NUP93: variants seen among roughly 807,000 people sequenced by gnomAD.
NUP93 encodes the protein nuclear pore complex protein Nup93.
Under a neutral mutation model 107.8 loss-of-function variants are expected in NUP93, and 55 were observed. The observed-to-expected ratio is 0.51, with a 90% confidence interval of 0.41 to 0.64. NUP93 has a LOEUF of 0.64. NUP93 is among the 30% of genes least tolerant of loss of function. The pLI, the probability that NUP93 is intolerant of heterozygous loss-of-function variation, is 0.00. For missense variants in NUP93, 937 were observed against 1,044.7 expected (o/e 0.90, Z 1.42); for synonymous variants, 390 against 397.5 (o/e 0.98, Z 0.22).
At chr16:56,842,432 C>G (rs1964043876) in intron 21 of NUP93, 2 of 367,252 alleles carry the variant, frequency 5.4e-6, no homozygotes, top group Non-Finnish European at 1.1e-5. Context: ...GTGCATGGGT[C>G]AAGTGGAGTC....
intron 3 of NUP93, among the ~76,000 whole-genome samples, chr16:56,767,703 T>C (rs1244368813): frequency 6.6e-6 from 1 of 152,232 alleles, no homozygotes; most frequent in East Asian, 1.9e-4. Flanking sequence ...GAGTTTTCTC[T>C]CTTCTTCTAG....
At chr16:56,842,528 C>G (rs947086313) in intron 21 of NUP93, 1 of 425,690 alleles carries the variant, frequency 2.3e-6, no homozygotes, top group East Asian at 7.1e-5. Flanking sequence ...CCAGTTAAAC[C>G]ATAAGGGGAC....
chr16:56,810,506 C>T lies in NUP93; in HGVS notation c.489+4874C>T, dbSNP rs545271603. Among the ~76,000 whole-genome samples the T allele has an allele frequency of 2.2e-4, 34 of 152,084 alleles. No homozygotes were observed. In the East Asian group the frequency reaches 5.6e-3, roughly 25 times the overall value. ...AATTAGCTGGACATGGTTACATGCT[C>T]CTGTAGTCTGGGCTACTCAAGAGCC... On this transcript the variant is annotated intron_variant, in intron 5 of 21. Transcript: ENST00000308159.
intron 3 of NUP93, among the ~76,000 whole-genome samples, chr16:56,776,329 C>T (rs1962416561): frequency 6.6e-6 from 1 of 152,044 alleles, no homozygotes; most frequent in Non-Finnish European, 1.5e-5. Context: ...AGTATCTGGC[C>T]ATATCACTGT....
rs775025865 is a variant in NUP93, at chr16:56,848,606, GCCACTTGTTT to G, written c.*4001_*4010del. 1.3e-5 allele frequency: 2 copies of G among 152,202 alleles called. No individual in the cohort carries two copies. Among genetic ancestry groups the G allele is most frequent in the Admixed American group, 1.3e-4 (2 of 15,278 alleles). The allele number at this position is 152,202 out of a possible 1,614,324, so 9.4% of individuals were successfully genotyped here. A position where few individuals can be genotyped will look rare whatever the true frequency, so the allele number is the denominator to read the frequency against. On this transcript the variant is annotated 3_prime_UTR_variant, in exon 22 of 22. Transcript: ENST00000308159. ...GGACAGGAAGGAAATAAATCTTTCT[GCCACTTGTTT>G]CCAACCGAAAAGGAAAAAAGTTAAA...
intron 3 of NUP93, among the ~76,000 whole-genome samples, chr16:56,789,266 T>G (rs1169323177): frequency 6.6e-6 from 1 of 152,242 alleles, no homozygotes; most frequent in African/African-American, 2.4e-5. Context: ...GTGCCATGTG[T>G]TGTCAGGTTT....
chr16:56,802,858 C>A (rs1409590031), intron 4 of NUP93, among the ~76,000 whole-genome samples: 1 of 152,150 alleles, frequency 6.6e-6, no homozygotes, highest in Non-Finnish European at 1.5e-5. Context: ...TGATGGGAAA[C>A]CTGGTCTGCC....
intron 1 of NUP93, among the ~76,000 whole-genome samples, chr16:56,739,936 C>T (rs1597100170): frequency 8.2e-6 from 1 of 121,318 alleles, no homozygotes; most frequent in Admixed American, 7.6e-5. Context: ...GGCGGCTGGC[C>T]GGGCGGGGGG....
chr16:56,837,186 A>G (rs1402509971), intron 17 of NUP93, among the ~76,000 whole-genome samples: 1 of 152,228 alleles, frequency 6.6e-6, no homozygotes, highest in East Asian at 1.9e-4. Flanking sequence ...AATGATGACT[A>G]AGAACATATG....
At chr16:56,812,734 G>T (rs1963342836) in intron 5 of NUP93, among the ~76,000 whole-genome samples, 1 of 152,088 alleles carries the variant, frequency 6.6e-6, no homozygotes, top group Non-Finnish European at 1.5e-5. Context: ...GGAAGAAAAA[G>T]GTATACTTTT....
chr16:56,751,977 C>T (rs910206648), intron 2 of NUP93, among the ~76,000 whole-genome samples: 1 of 152,228 alleles, frequency 6.6e-6, no homozygotes, highest in Admixed American at 6.5e-5. Flanking sequence ...TCTCTCCCTG[C>T]ATATGCATTG....
intron 3 of NUP93, among the ~76,000 whole-genome samples, chr16:56,766,831 GA>G (rs145193718): frequency 0.014 from 2,056 of 152,294 alleles, 21 homozygotes; most frequent in Non-Finnish European, 0.022. Context: ...GGATTACATA[GA>G]GGGGAGACCC....
At chr16:56,759,163 G>C (rs1237437104) in intron 3 of NUP93, among the ~76,000 whole-genome samples, 1 of 152,160 alleles carries the variant, frequency 6.6e-6, no homozygotes, top group African/African-American at 2.4e-5. Context: ...GAGCACTCCA[G>C]TCTCATTTAA....
chr16:56,801,006 T>A (rs1963008482), intron 4 of NUP93, among the ~76,000 whole-genome samples: 1 of 152,246 alleles, frequency 6.6e-6, no homozygotes, highest in Admixed American at 6.5e-5. Flanking sequence ...AGATTCAGAT[T>A]TAATTTATAA....
At chr16:56,744,481 A>G (rs1419981751) in intron 1 of NUP93, among the ~76,000 whole-genome samples, 2 of 152,250 alleles carry the variant, frequency 1.3e-5, no homozygotes, top group East Asian at 3.8e-4. Flanking sequence ...CAAAAAATGT[A>G]TAAATTTGGA....
chr16:56,789,323 A>G (rs1962700940), intron 3 of NUP93, among the ~76,000 whole-genome samples: 1 of 152,266 alleles, frequency 6.6e-6, no homozygotes, highest in African/African-American at 2.4e-5. Context: ...GTGAGAACTT[A>G]TAGACCATTC....
intron 2 of NUP93, among the ~76,000 whole-genome samples, chr16:56,755,225 C>A (rs1399616161): frequency 2.6e-5 from 4 of 152,156 alleles, no homozygotes; most frequent in African/African-American, 7.2e-5. Context: ...AATGCCCATC[C>A]ACTGATGAAT....
chr16:56,836,277 A>C (rs1030498348), intron 16 of NUP93, among the ~76,000 whole-genome samples: 1 of 152,120 alleles, frequency 6.6e-6, no homozygotes, highest in African/African-American at 2.4e-5. Context: ...GTTCCTACTT[A>C]TCAGCAAATT....
chr16:56,833,198 C>T lies in NUP93; in HGVS notation c.1346-17C>T. 1 of 1,586,348 alleles carries T rather than the reference C, an allele frequency of 6.3e-7. No individual in the cohort carries two copies. The highest frequency in any genetic ancestry group is 1.2e-5 in the South Asian group (1 of 86,344). ...TTTCTAAGTTGGTTTTATCTCCTCT[C>T]CTCTCCTCTCTCCCAGGCGAGTCCC... On this transcript the variant is annotated splice_polypyrimidine_tract_variant and intron_variant, in intron 12 of 21. Transcript: ENST00000308159.
Sources: allele counts gnomAD v4.1 joint callset (sites outside exome capture counted in the v4.1 genomes callset), GRCh38; gene constraint gnomAD v4.1.1; transcripts MANE v1.5; gene names NCBI Gene and HGNC (gene_info 2026-07-23, HGNC 2026-07-21).